The following PBX3 variants were observed in gnomAD, a reference collection of about 807,000 sequenced individuals.
PBX3 encodes the protein pre-B-cell leukemia transcription factor 3.
In PBX3, 14 loss-of-function variants were observed where a neutral mutation model predicts 48.5. The observed-to-expected ratio is 0.29, with a 90% CI of 0.19 to 0.45. PBX3 has a LOEUF of 0.45. Among genes scored for constraint, PBX3 ranks in the 20% least tolerant of loss-of-function variants. The probability of loss-of-function intolerance (pLI) is 1.00; values close to 1 mark genes in which losing one functional copy is unlikely to be tolerated. For missense variants in PBX3, 386 were observed against 546.7 expected (o/e 0.71, Z 2.93); for synonymous variants, 210 against 200.3 (o/e 1.05, Z -0.41).
At chr9:125,842,456 T>G (rs1195137394) in intron 2 of PBX3, among the ~76,000 whole-genome samples, 1 of 152,206 alleles carries the variant, frequency 6.6e-6, no homozygotes, top group East Asian at 1.9e-4. Flanking sequence ...AGGAGAAATC[T>G]GCACACCCAG....
At chr9:125,838,196 G>A (rs1164509399) in intron 2 of PBX3, among the ~76,000 whole-genome samples, 1 of 152,156 alleles carries the variant, frequency 6.6e-6, no homozygotes, top group East Asian at 1.9e-4. Context: ...GACTGCAGGT[G>A]TGCGCCACAA....
chr9:125,907,888 T>A (rs1841112527), intron 2 of PBX3, among the ~76,000 whole-genome samples: 1 of 152,116 alleles, frequency 6.6e-6, no homozygotes, highest in African/African-American at 2.4e-5. Context: ...CTGTTTGAAA[T>A]TTGGTTTTCT....
intron 2 of PBX3, among the ~76,000 whole-genome samples, chr9:125,858,800 A>G (rs182517839): frequency 8.6e-5 from 13 of 151,874 alleles, no homozygotes; most frequent in Admixed American, 8.5e-4. Flanking sequence ...TAATTTTTGT[A>G]TTTTTAGTAG....
At chr9:125,817,498 C>T (rs752911077) in intron 2 of PBX3, among the ~76,000 whole-genome samples, 3 of 152,162 alleles carry the variant, frequency 2.0e-5, no homozygotes, top group Non-Finnish European at 4.4e-5. Flanking sequence ...GAAACACACA[C>T]ACACATTAAT....
intron 2 of PBX3, among the ~76,000 whole-genome samples, chr9:125,854,093 A>G (rs1351305778): frequency 6.6e-6 from 1 of 152,062 alleles, no homozygotes; most frequent in African/African-American, 2.4e-5. Context: ...TTGCACCAAT[A>G]TAGACCTGCT....
At chr9:125,884,351 A>G (rs962261614) in intron 2 of PBX3, among the ~76,000 whole-genome samples, 15 of 152,372 alleles carry the variant, frequency 9.8e-5, no homozygotes, top group Middle Eastern at 3.4e-3. Context: ...TCAAATGAGT[A>G]TAATTGTTTT....
intron 2 of PBX3, chr9:125,843,687 T>C (rs1839348478): frequency 2.8e-6 from 1 of 362,216 alleles, no homozygotes; most frequent in African/African-American, 2.1e-5. Context: ...AAATAAGTAA[T>C]GGAATTCCGT....
intron 2 of PBX3, among the ~76,000 whole-genome samples, chr9:125,755,672 G>GTTTTTTTT (rs11310993): frequency 5.3e-5 from 5 of 95,228 alleles, no homozygotes; most frequent in Non-Finnish European, 8.4e-5. Flanking sequence ...GAGGAGCTTT[G>GTTTTTTTT]TTTTTTTTTT....
chr9:125,962,468 T>A (rs753034876), intron 7 of PBX3, among the ~76,000 whole-genome samples: 17 of 152,216 alleles, frequency 1.1e-4, no homozygotes, highest in Non-Finnish European at 2.2e-4. Context: ...GTTGGGTGCA[T>A]CTTACTTTTG....
intron 2 of PBX3, among the ~76,000 whole-genome samples, chr9:125,839,910 A>G (rs1270897529): frequency 6.6e-6 from 1 of 152,104 alleles, no homozygotes; most frequent in Non-Finnish European, 1.5e-5. Context: ...TTGCTCTCTT[A>G]AATTCTTAGT....
intron 5 of PBX3, among the ~76,000 whole-genome samples, chr9:125,939,857 ATTG>A (rs1841921467): frequency 6.6e-6 from 1 of 152,160 alleles, no homozygotes; most frequent in African/African-American, 2.4e-5. Context: ...TAAACAGCAT[ATTG>A]TCAGGGGAGA....
chr9:125,769,293 T>C (rs555590971), intron 2 of PBX3, among the ~76,000 whole-genome samples: 2 of 152,300 alleles, frequency 1.3e-5, no homozygotes, highest in South Asian at 4.1e-4. Context: ...AGTATAAATG[T>C]CAACACAGTG....
At chr9:125,877,411 CATT>C (rs1470739002) in intron 2 of PBX3, among the ~76,000 whole-genome samples, 1 of 152,126 alleles carries the variant, frequency 6.6e-6, no homozygotes, top group African/African-American at 2.4e-5. Flanking sequence ...GGACTTGTGG[CATT>C]ATAAATCATT....
At chr9:125,928,043 C>T (rs924644541) in intron 3 of PBX3, among the ~76,000 whole-genome samples, 6 of 151,582 alleles carry the variant, frequency 4.0e-5, no homozygotes, top group East Asian at 1.9e-4. Flanking sequence ...ATTAGCCGGG[C>T]GTGGCGGTGT....
At chr9:125,840,401 G>A (rs113575137) in intron 2 of PBX3, among the ~76,000 whole-genome samples, 5,376 of 151,772 alleles carry the variant, frequency 0.035, 328 homozygotes, top group African/African-American at 0.12. Flanking sequence ...CTTATGGGCA[G>A]TGTGTCACAA....
intron 2 of PBX3, among the ~76,000 whole-genome samples, chr9:125,873,719 G>T (rs1204259004): frequency 6.6e-6 from 1 of 152,144 alleles, no homozygotes; most frequent in East Asian, 1.9e-4. Context: ...AGCTTCAAAT[G>T]TTTACATTAT....
At chr9:125,953,302 C>A (rs1257021164) in intron 5 of PBX3, among the ~76,000 whole-genome samples, 3 of 152,066 alleles carry the variant, frequency 2.0e-5, no homozygotes, top group Non-Finnish European at 4.4e-5. Flanking sequence ...TATAGCAAAA[C>A]CCTGTTTCTA....
chr9:125,943,737 C>A (rs1842011525), intron 5 of PBX3, among the ~76,000 whole-genome samples: 1 of 152,170 alleles, frequency 6.6e-6, no homozygotes, highest in South Asian at 2.1e-4. Context: ...CTCAAGGTCA[C>A]TAAGCAAGTG....
At chr9:125,815,475 A>AT (rs931514692) in intron 2 of PBX3, among the ~76,000 whole-genome samples, 7 of 151,974 alleles carry the variant, frequency 4.6e-5, no homozygotes, top group Admixed American at 2.6e-4. Flanking sequence ...TTGTTGTATT[A>AT]TTTTTTGTTC....
Sources: gnomAD v4.1 joint callset for allele counts (sites outside exome capture counted in the v4.1 genomes callset) on GRCh38, gnomAD v4.1.1 for gene constraint, MANE v1.5 for transcripts, NCBI Gene and HGNC (gene_info 2026-07-23, HGNC 2026-07-21) for gene names.